The following CBFA2T3 variants were observed in gnomAD, a reference collection of about 807,000 sequenced individuals.
CBFA2T3 encodes CBFA2/RUNX1 partner transcriptional co-repressor 3.
Under a neutral mutation model 58.6 loss-of-function variants are expected in CBFA2T3, and 31 were observed. The observed-to-expected ratio is 0.53, with a 90% CI of 0.40 to 0.71. CBFA2T3 has a LOEUF of 0.71. Among genes scored for constraint, CBFA2T3 ranks in the 30% least tolerant of loss-of-function variants. The probability of loss-of-function intolerance (pLI) is 0.00; values close to 1 mark genes in which losing one functional copy is unlikely to be tolerated. For missense variants in CBFA2T3, 1,076 were observed against 963.1 expected, an observed-to-expected ratio of 1.12 and a Z score of -1.55; for synonymous variants, 531 against 421.9, an observed-to-expected ratio of 1.26 and a Z score of -3.17.
chr16:88,954,588 C>A (rs75043534), intron 1 of CBFA2T3, among the ~76,000 whole-genome samples: 14 of 54,304 alleles, frequency 2.6e-4, no homozygotes, highest in Non-Finnish European at 4.0e-4. Context: ...CTCCTGACCC[C>A]GCCCAAGGCT....
intron 1 of CBFA2T3, among the ~76,000 whole-genome samples, chr16:88,942,843 GTTTTCAGA>G (rs1971790021): frequency 6.6e-6 from 1 of 152,190 alleles, no homozygotes; most frequent in Non-Finnish European, 1.5e-5. Context: ...TGGAATGGAG[GTTTTCAGA>G]CTGTGCGTAA....
intron 5 of CBFA2T3, 57 bp from the exon 6 acceptor site, chr16:88,886,199 G>A (rs895491507): frequency 3.0e-5 from 40 of 1,320,720 alleles, no homozygotes; most frequent in Non-Finnish European, 4.0e-5. Context: ...GCCCTGCTCA[G>A]GTCCGAGCAG....
In CBFA2T3 at chr16:88,898,120, C is replaced by T. The variant is rs1208960806; in HGVS notation, c.337G>A (p.Gly113Ser). The T allele has an allele frequency of 1.9e-5, 31 of 1,613,188 alleles. No individual in the cohort carries two copies. Among genetic ancestry groups the T allele is most frequent in the Non-Finnish European group, 2.5e-5 (30 of 1,179,826 alleles). ...CATTTTAAGCAGCCATGAAAACGGC[C>T]GTGGGGCAGCGTCGCAGGCCCGTCC... ...REDGPATLPH[G>S]RFHGCLKWSM... is the part of the protein sequence containing the mutation. Residue 113 changes from glycine to serine, a missense_variant, in exon 3 of 12, where the codon GGC (glycine) becomes AGC (serine). Coordinates refer to ENST00000268679, the MANE Select transcript of CBFA2T3 (RefSeq NM_005187.6).
At chr16:88,967,252 C>T (rs185082934) in intron 1 of CBFA2T3, among the ~76,000 whole-genome samples, 3 of 148,180 alleles carry the variant, frequency 2.0e-5, no homozygotes, top group South Asian at 4.2e-4. Flanking sequence ...GGCCCCGACA[C>T]GAGGCAGCAC....
chr16:88,906,470 G>A (rs558862865), intron 1 of CBFA2T3, among the ~76,000 whole-genome samples: 5 of 151,780 alleles, frequency 3.3e-5, no homozygotes, highest in Admixed American at 1.3e-4. Flanking sequence ...CCAGACACAC[G>A]GAGGTGAATA....
At chr16:88,924,592 G>A (rs1426115143) in intron 1 of CBFA2T3, among the ~76,000 whole-genome samples, 1 of 152,194 alleles carries the variant, frequency 6.6e-6, no homozygotes, top group East Asian at 1.9e-4. Context: ...CGAAGCAGCT[G>A]GAAGCAGGGA....
intron 8 of CBFA2T3, among the ~76,000 whole-genome samples, chr16:88,882,158 C>A (rs914191132): frequency 1.3e-5 from 2 of 152,226 alleles, no homozygotes; most frequent in African/African-American, 4.8e-5. Context: ...AAGGACCCAG[C>A]CGCTGCGCAG....
At position 88,893,555 on chromosome 16, in the gene CBFA2T3, G is replaced by C. The variant is rs982753042; in HGVS notation, c.380-1070C>G. On this transcript the variant is annotated intron_variant, in intron 3 of 11. Coordinates refer to ENST00000268679, the MANE Select transcript of CBFA2T3 (RefSeq NM_005187.6). ...GGGACACCCAAGGACACACTGGGTG[G>C]GTTCCTGCCCCTGGCGGCTGGACAC... Among the ~76,000 whole-genome samples the C allele has an allele frequency of 3.0e-4, 45 of 152,324 alleles. 1 individual carries two copies. Among genetic ancestry groups the C allele is most frequent in the Admixed American group, 2.7e-3 (41 of 15,306 alleles).
chr16:88,928,218 C>T (rs997685126), intron 1 of CBFA2T3, among the ~76,000 whole-genome samples: 2 of 152,252 alleles, frequency 1.3e-5, no homozygotes, highest in African/African-American at 4.8e-5. Context: ...TGTTCGGCAG[C>T]ACTGGGGCCC....
At chr16:88,890,342 G>A (rs1218822954) in intron 5 of CBFA2T3, among the ~76,000 whole-genome samples, 1 of 152,216 alleles carries the variant, frequency 6.6e-6, no homozygotes, top group African/African-American at 2.4e-5. Flanking sequence ...CTAAGTGGCA[G>A]GCTCGGGCTC....
intron 5 of CBFA2T3, among the ~76,000 whole-genome samples, chr16:88,889,237 C>G (rs1969524008): frequency 6.6e-6 from 1 of 150,788 alleles, no homozygotes; most frequent in South Asian, 2.1e-4. Context: ...TCTTTTGTCA[C>G]CATCTGGGAG....
intron 1 of CBFA2T3, chr16:88,941,858 TGTGGGGGGG>T (rs1427553582): frequency 3.9e-5 from 1 of 25,326 alleles, no homozygotes; most frequent in African/African-American, 1.4e-4. Flanking sequence ...AGTTGGGGGG[TGTGGGGGGG>T]GTGGGGAGGT....
chr16:88,898,939 A>G (rs1010106372), intron 2 of CBFA2T3, among the ~76,000 whole-genome samples: 1 of 152,210 alleles, frequency 6.6e-6, no homozygotes, highest in African/African-American at 2.4e-5. Flanking sequence ...GGCTCTAGTA[A>G]AGACGGGTAG....
At chr16:88,926,037 C>G (rs201798913) in intron 1 of CBFA2T3, among the ~76,000 whole-genome samples, 11 of 152,214 alleles carry the variant, frequency 7.2e-5, no homozygotes, top group Admixed American at 4.6e-4. Flanking sequence ...CTCCGTGAGA[C>G]GGGGGAGGCC....
At chr16:88,946,733 G>A (rs1249218010) in intron 1 of CBFA2T3, among the ~76,000 whole-genome samples, 7 of 151,884 alleles carry the variant, frequency 4.6e-5, no homozygotes, top group African/African-American at 7.3e-5. Context: ...TGCCCACCTC[G>A]GCCTCCCACA....
intron 3 of CBFA2T3, among the ~76,000 whole-genome samples, chr16:88,893,006 G>C (rs1016705321): frequency 6.6e-6 from 1 of 152,160 alleles, no homozygotes; most frequent in East Asian, 1.9e-4. Context: ...CAGGGAGCAA[G>C]GGGCTTCTCC....
intron 1 of CBFA2T3, among the ~76,000 whole-genome samples, chr16:88,919,496 C>T (rs114176359): frequency 3.3e-5 from 5 of 152,312 alleles, no homozygotes; most frequent in African/African-American, 1.2e-4. Context: ...ATCAGCGTGG[C>T]CTCAGGCGCT....
chr16:88,879,428 T>G lies in CBFA2T3; in HGVS notation c.1504A>C (p.Met502Leu), dbSNP rs768770981. 4 of 1,612,368 alleles carry G rather than the reference T, an allele frequency of 2.5e-6. No individual in the cohort carries two copies. The highest frequency in any genetic ancestry group is 3.4e-6 in the Non-Finnish European group (4 of 1,179,348). Reference protein sequence around the residue: ...EAVNEVKRQAMSELQKAVSDA... With the variant: ...EAVNEVKRQALSELQKAVSDA... The stretch of plus-strand genomic sequence containing the variant: ...GACACGGCTTTCTGCAGCTCCGACA[T>G]GGCCTGCCGCTTCACCTCATTCACG... The change falls in exon 11 of 12, where the codon ATG becomes CTG. Residue 502 changes from methionine to leucine, a missense_variant. Transcript: ENST00000268679.
chr16:88,919,549 C>T (rs1273692116), intron 1 of CBFA2T3, among the ~76,000 whole-genome samples: 2 of 152,220 alleles, frequency 1.3e-5, no homozygotes, highest in African/African-American at 4.8e-5. Context: ...GGGTAAGAAG[C>T]TCAGTGCCCA....
Sources: gnomAD v4.1 joint callset for allele counts (sites outside exome capture counted in the v4.1 genomes callset) on GRCh38, gnomAD v4.1.1 for gene constraint, MANE v1.5 for transcripts, NCBI Gene and HGNC (gene_info 2026-07-23, HGNC 2026-07-21) for gene names.